Variants in RYR2 observed in about 807,000 individuals in gnomAD.
RYR2 encodes cardiac muscle ryanodine receptor-calcium release channel.
Under a neutral mutation model 601.1 loss-of-function variants are expected in RYR2, and 227 were observed. The observed-to-expected ratio is 0.38, with a 90% CI of 0.34 to 0.42. The LOEUF (loss-of-function observed/expected upper bound fraction) is 0.42, where lower values mean the gene tolerates loss of function less well. Ranked by LOEUF, RYR2 falls within the 10% of genes least tolerant of loss-of-function variation. The pLI is 1.00. For synonymous variants in RYR2, 2,223 were observed against 2,175.1 expected (o/e 1.02, Z -0.61); for missense variants, 4,646 against 6,156.5 (o/e 0.75, Z 8.21).
intron 50 of RYR2, among the ~76,000 whole-genome samples, chr1:237,650,549 C>T (rs1411703863): frequency 6.6e-6 from 1 of 152,188 alleles, no homozygotes; most frequent in Non-Finnish European, 1.5e-5. Context: ...ACGATGAAGG[C>T]TGAATATTTC....
In RYR2 at chr1:237,830,600, C is replaced by G; in HGVS notation, c.14726C>G (p.Thr4909Ser). 4 of 1,608,192 alleles carry G rather than the reference C, an allele frequency of 2.5e-6. No individual in the cohort carries two copies. The highest frequency in any genetic ancestry group is 3.4e-6 in the Non-Finnish European group (4 of 1,174,826). The change falls in exon 103 of 105, where the codon ACT becomes AGT. Residue 4909 changes from threonine (T) to serine (S), a missense_variant. By Grantham distance (58) the Thr-to-Ser change is moderately conservative (BLOSUM62 1). Transcript: ENST00000366574. ...DTVPHGFETH[T>S]LQEHNLANYL... ...GTGCCACATGGCTTTGAAACCCACACTTTACAGGAGCACAACTTGGCTAAT... is the reference window on the plus strand; with the variant it reads ...GTGCCACATGGCTTTGAAACCCACAGTTTACAGGAGCACAACTTGGCTAAT...
chr1:237,249,375 A>C (rs1687228296), intron 1 of RYR2, among the ~76,000 whole-genome samples: 1 of 152,182 alleles, frequency 6.6e-6, no homozygotes. Context: ...GATGCTGCTG[A>C]AACTGCATAT....
chr1:237,087,656 A>G (rs1250935999), intron 1 of RYR2, among the ~76,000 whole-genome samples: 1 of 152,032 alleles, frequency 6.6e-6, no homozygotes, highest in East Asian at 1.9e-4. Flanking sequence ...TGGAAGTTGA[A>G]TTTATCAGTG....
At chr1:237,084,176 A>G (rs1279273110) in intron 1 of RYR2, among the ~76,000 whole-genome samples, 1 of 152,148 alleles carries the variant, frequency 6.6e-6, no homozygotes, top group Non-Finnish European at 1.5e-5. Flanking sequence ...TGGAAAGGAC[A>G]TTACCCCAGT....
intron 1 of RYR2, among the ~76,000 whole-genome samples, chr1:237,256,814 C>T (rs1377702854): frequency 6.6e-6 from 1 of 152,180 alleles, no homozygotes; most frequent in Non-Finnish European, 1.5e-5. Flanking sequence ...CTGTGCTGAT[C>T]TCCCTCTTCC....
intron 19 of RYR2, among the ~76,000 whole-genome samples, chr1:237,494,121 A>T (rs1663759353): frequency 6.6e-6 from 1 of 152,158 alleles, no homozygotes; most frequent in Non-Finnish European, 1.5e-5. Context: ...GGATAGCTGT[A>T]TATATGAAAG....
At chr1:237,806,834 G>C (rs1230429206) in intron 99 of RYR2, among the ~76,000 whole-genome samples, 1 of 152,170 alleles carries the variant, frequency 6.6e-6, no homozygotes, top group African/African-American at 2.4e-5. Context: ...AACTGGTCTA[G>C]GTCCAGAAAA....
intron 9 of RYR2, 49 bp downstream of exon 9, chr1:237,387,429 C>T (rs370794475): frequency 7.7e-5 from 118 of 1,532,570 alleles, no homozygotes; most frequent in Non-Finnish European, 1.0e-4. Flanking sequence ...GCAAAGTTGA[C>T]AGTCATCTTT....
chr1:237,496,757 G>A lies in RYR2; in HGVS notation c.2203+5G>A, dbSNP rs766288440. On this transcript the variant is annotated splice_donor_5th_base_variant and intron_variant, in intron 20 of 104. Coordinates refer to ENST00000366574, the MANE Select transcript of RYR2 (RefSeq NM_001035.3). Reference sequence around the variant, plus strand: ...ATGGCCTTCATCTCTGGTCAGGTACGTACTATCCATTTTCTTTCACCGTGT... The same window carrying A: ...ATGGCCTTCATCTCTGGTCAGGTACATACTATCCATTTTCTTTCACCGTGT... The A allele has an allele frequency of 3.1e-5, 50 of 1,602,066 alleles. No homozygotes were observed. The highest frequency in any genetic ancestry group is 4.4e-5 in the South Asian group (4 of 90,402).
chr1:237,321,598 T>A (rs1489030329), intron 2 of RYR2, among the ~76,000 whole-genome samples: 1 of 152,088 alleles, frequency 6.6e-6, no homozygotes, highest in African/African-American at 2.4e-5. Context: ...GAGAAAGAGT[T>A]TAATAATTGA....
At chr1:237,580,563 G>A (rs771252120) in intron 29 of RYR2, among the ~76,000 whole-genome samples, 77 of 152,078 alleles carry the variant, frequency 5.1e-4, no homozygotes, top group African/African-American at 6.8e-4. Flanking sequence ...GATGATTTCC[G>A]GGTTCCTTGG....
At chr1:237,578,971 A>G (rs1007827738) in intron 29 of RYR2, among the ~76,000 whole-genome samples, 2 of 152,146 alleles carry the variant, frequency 1.3e-5, no homozygotes, top group Non-Finnish European at 2.9e-5. Flanking sequence ...CTTTTGTACC[A>G]TTAGAATAGT....
intron 17 of RYR2, among the ~76,000 whole-genome samples, chr1:237,489,194 C>T (rs1348266328): frequency 3.9e-5 from 6 of 152,084 alleles, no homozygotes; most frequent in African/African-American, 1.4e-4. Context: ...AGCCAAATAA[C>T]CCCATTAAAA....
At chr1:237,328,858 C>T (rs932606585) in intron 2 of RYR2, among the ~76,000 whole-genome samples, 5 of 152,128 alleles carry the variant, frequency 3.3e-5, no homozygotes, top group African/African-American at 7.2e-5. Flanking sequence ...TGCATTGCAT[C>T]AGCTTATCAA....
intron 2 of RYR2, among the ~76,000 whole-genome samples, chr1:237,290,228 A>C (rs1473872391): frequency 6.6e-6 from 1 of 152,238 alleles, no homozygotes; most frequent in East Asian, 1.9e-4. Flanking sequence ...GCAACGCAAA[A>C]TCTTTAAGGA....
chr1:237,184,057 G>A lies in RYR2; in HGVS notation c.49-86440G>A, dbSNP rs143886929. Among the ~76,000 whole-genome samples, 334 of 152,326 alleles carry A rather than the reference G, an allele frequency of 2.2e-3. 4 individuals carry two copies. The Middle Eastern group carries it at 0.048, about 22-fold the overall frequency. On this transcript the variant is annotated intron_variant, in intron 1 of 104. Coordinates refer to ENST00000366574, the MANE Select transcript of RYR2 (RefSeq NM_001035.3). Reference sequence around the variant, plus strand: ...TAATGACATAATCCTTTCCGCATATGTTGTTGCTATAGGAAGCCTTCTGGG... The same window carrying A: ...TAATGACATAATCCTTTCCGCATATATTGTTGCTATAGGAAGCCTTCTGGG...
At chr1:237,787,897 A>AAAATATTTGTTCACTTGGGTAATTTTC in intron 91 of RYR2, 91 bp from the exon 92 acceptor site, 1 of 1,236,674 alleles carries the variant, frequency 8.1e-7, no homozygotes, top group Non-Finnish European at 1.1e-6. Context: ...ATGATGGCCT[A>AAAATATTTGTTCACTTGGGTAATTTTC]AAATATTTGT....
intron 16 of RYR2, among the ~76,000 whole-genome samples, chr1:237,465,526 T>C (rs937348119): frequency 1.3e-5 from 2 of 152,184 alleles, no homozygotes; most frequent in African/African-American, 4.8e-5. Flanking sequence ...GGAACAGTTC[T>C]AAGGAATACA....
At chr1:237,532,411 A>AT (rs1287792215) in intron 25 of RYR2, among the ~76,000 whole-genome samples, 4 of 152,024 alleles carry the variant, frequency 2.6e-5, no homozygotes, top group Admixed American at 6.6e-5. Flanking sequence ...ATATTTAATG[A>AT]TTTTTTTCAG....
Sources: allele counts gnomAD v4.1 joint callset (sites outside exome capture counted in the v4.1 genomes callset), GRCh38; gene constraint gnomAD v4.1.1; transcripts MANE v1.5; gene names NCBI Gene and HGNC (gene_info 2026-07-23, HGNC 2026-07-21).